ERBB4: variants seen among roughly 807,000 people sequenced by gnomAD.
The protein encoded by ERBB4 is receptor tyrosine-protein kinase erbB-4.
A neutral mutation model predicts 158.0 loss-of-function variants in ERBB4; 42 were observed. That is an observed-to-expected ratio of 0.27 (90% confidence interval 0.21 to 0.34). ERBB4 has a LOEUF of 0.34. Among genes scored for constraint, ERBB4 ranks in the 10% least tolerant of loss-of-function variants. The pLI, the probability that ERBB4 is intolerant of heterozygous loss-of-function variation, is 1.00. For missense variants in ERBB4, 1,333 were observed against 1,624.1 expected (o/e 0.82, Z 3.08); for synonymous variants, 583 against 558.7 (o/e 1.04, Z -0.61).
At chr2:211,569,212 C>G (rs2067641358) in intron 19 of ERBB4, among the ~76,000 whole-genome samples, 2 of 152,218 alleles carry the variant, frequency 1.3e-5, no homozygotes, top group Non-Finnish European at 2.9e-5. Flanking sequence ...AACACTGCCA[C>G]TTCATTGAAG....
At position 212,510,205 on chromosome 2, in the gene ERBB4, G is replaced by GTATATATATATATATATATATA. The variant is rs10556403; in HGVS notation, c.82+28222_82+28243dup. 9.0e-4 allele frequency among the ~76,000 whole-genome samples: 118 copies of GTATATATATATATATATATATA among 130,392 alleles called. 4 individuals carry two copies. Among genetic ancestry groups the GTATATATATATATATATATATA allele is most frequent in the African/African-American group, 3.2e-3 (106 of 33,120 alleles). 85.5% of individuals were successfully genotyped at this position (130,392 alleles called of 152,430 possible). ...AAACACCTTCCATCCTAACCACACA[G>GTATATATATATATATATATATA]TATATATATATATATATATATATAT... On this transcript the variant is annotated intron_variant, in intron 1 of 27. Transcript: ENST00000342788.
rs528950408 is a variant in ERBB4 at position 212,060,369 on chromosome 2, A to C, written c.234+64383T>G. On this transcript the variant is annotated intron_variant, in intron 2 of 27. Transcript: ENST00000342788. ...ACTTTTACACTGTTGGTGGGACTGTAAACTAGTTCAACCATTGTGGAAGAC... is the reference window on the plus strand; with the variant it reads ...ACTTTTACACTGTTGGTGGGACTGTCAACTAGTTCAACCATTGTGGAAGAC... Among the ~76,000 whole-genome samples the C allele has an allele frequency of 4.0e-5, 6 of 151,854 alleles. No homozygotes were observed. In the South Asian group the frequency reaches 6.3e-4, roughly 16 times the overall value.
At chr2:211,687,489 C>A (rs9798122) in intron 12 of ERBB4, among the ~76,000 whole-genome samples, 148,984 of 151,890 alleles carry the variant, frequency 0.98, 73,091 homozygotes, top group East Asian at 1. Flanking sequence ...GCGAGCTTGA[C>A]TGAAGTTTGT....
chr2:211,640,892 T>C (rs1268031557), intron 16 of ERBB4, among the ~76,000 whole-genome samples: 1 of 152,008 alleles, frequency 6.6e-6, no homozygotes, highest in Admixed American at 6.6e-5. Context: ...GTGACTAGAC[T>C]CCCATGCCTA....
intron 1 of ERBB4, among the ~76,000 whole-genome samples, chr2:212,513,616 T>A (rs1691650425): frequency 6.6e-6 from 1 of 152,010 alleles, no homozygotes; most frequent in Non-Finnish European, 1.5e-5. Context: ...ATCGAGACCA[T>A]CTTGGCTAAC....
chr2:211,471,508 A>G (rs1011809323), intron 20 of ERBB4, among the ~76,000 whole-genome samples: 1 of 152,150 alleles, frequency 6.6e-6, no homozygotes, highest in Non-Finnish European at 1.5e-5. Flanking sequence ...CAGCGCCAAA[A>G]AAAAACTTGT....
intron 4 of ERBB4, among the ~76,000 whole-genome samples, chr2:211,764,271 TA>T (rs2075493622): frequency 6.6e-6 from 1 of 152,218 alleles, no homozygotes; most frequent in Non-Finnish European, 1.5e-5. Context: ...AGAAAAAAGA[TA>T]AATGATTTGC....
At chr2:212,449,637 A>C (rs1322834746) in intron 1 of ERBB4, among the ~76,000 whole-genome samples, 4 of 152,020 alleles carry the variant, frequency 2.6e-5, no homozygotes, top group Non-Finnish European at 5.9e-5. Context: ...GTATTTACCT[A>C]AGCTTCTTTG....
At position 212,302,918 on chromosome 2, in the gene ERBB4, C is replaced by A. The variant is rs2106212881; in HGVS notation, c.83-178015G>T. Among the ~76,000 whole-genome samples, 3 of 151,210 alleles carry A rather than the reference C, an allele frequency of 2.0e-5. No homozygotes were observed. In the South Asian group the frequency reaches 6.2e-4, roughly 31 times the overall value. On this transcript the variant is annotated intron_variant, in intron 1 of 27. Transcript: ENST00000342788. ...ATCCCAACAAGTAATAGAGGAGATT[C>A]ACTCCTGAAAAGGTGTTTAGGAAGA... is the stretch of plus-strand genomic sequence containing the variant.
chr2:212,201,807 A>G (rs2082593808), intron 1 of ERBB4, among the ~76,000 whole-genome samples: 1 of 152,196 alleles, frequency 6.6e-6, no homozygotes, highest in African/African-American at 2.4e-5. Context: ...TAGACTATCA[A>G]TTCTTTGAGT....
chr2:212,327,386 C>A (rs7562365), intron 1 of ERBB4, among the ~76,000 whole-genome samples: 21,492 of 151,806 alleles, frequency 0.14, 1,633 homozygotes, highest in South Asian at 0.22. Context: ...TCAACAGACG[C>A]AATCCAAGGC....
chr2:211,819,378 C>T, intron 3 of ERBB4, among the ~76,000 whole-genome samples: 1 of 151,854 alleles, frequency 6.6e-6, no homozygotes, highest in East Asian at 1.9e-4. Flanking sequence ...AATGGAGATA[C>T]ATACAAAGTA....
intron 1 of ERBB4, among the ~76,000 whole-genome samples, chr2:212,377,451 C>A (rs998795471): frequency 6.6e-6 from 1 of 151,686 alleles, no homozygotes; most frequent in East Asian, 1.9e-4. Flanking sequence ...TCTATTGCTC[C>A]CAAGCTACAA....
intron 1 of ERBB4, among the ~76,000 whole-genome samples, chr2:212,202,195 C>T (rs947363527): frequency 7.2e-5 from 11 of 151,904 alleles, no homozygotes; most frequent in African/African-American, 1.9e-4. Flanking sequence ...AATGGTGGTG[C>T]GAAATTTTAT....
chr2:211,985,277 A>C (rs1391394798), intron 2 of ERBB4, among the ~76,000 whole-genome samples: 1 of 152,184 alleles, frequency 6.6e-6, no homozygotes, highest in Non-Finnish European at 1.5e-5. Context: ...TAAAGAAAGA[A>C]GGAAGGGAGT....
intron 16 of ERBB4, among the ~76,000 whole-genome samples, chr2:211,646,693 C>G (rs2070791522): frequency 1.3e-5 from 2 of 151,586 alleles, no homozygotes; most frequent in South Asian, 2.1e-4. Flanking sequence ...GCAATTAACG[C>G]AACAGGTATT....
chr2:211,588,551 A>G (rs1263477947), intron 19 of ERBB4, among the ~76,000 whole-genome samples: 2 of 152,168 alleles, frequency 1.3e-5, no homozygotes, highest in Non-Finnish European at 1.5e-5. Flanking sequence ...TTGTAACTAC[A>G]TTTTATATTT....
chr2:212,037,765 C>A (rs2077049027), intron 2 of ERBB4, among the ~76,000 whole-genome samples: 1 of 152,132 alleles, frequency 6.6e-6, no homozygotes, highest in Non-Finnish European at 1.5e-5. Flanking sequence ...AAAAATTAAT[C>A]TTTTCTAAGG....
intron 16 of ERBB4, among the ~76,000 whole-genome samples, chr2:211,636,182 T>A (rs2070354484): frequency 6.6e-6 from 1 of 151,040 alleles, no homozygotes; most frequent in South Asian, 2.1e-4. Flanking sequence ...TTAACAGGGA[T>A]TTTTTTTTGT....
Sources: gnomAD v4.1 joint callset for allele counts (sites outside exome capture counted in the v4.1 genomes callset) on GRCh38, gnomAD v4.1.1 for gene constraint, MANE v1.5 for transcripts, NCBI Gene and HGNC (gene_info 2026-07-23, HGNC 2026-07-21) for gene names.